Variants in BRCA1 observed in about 807,000 individuals in gnomAD.
The protein encoded by BRCA1 is BRCA1 DNA repair associated, also known as breast cancer type 1 susceptibility protein.
A neutral mutation model predicts 173.7 loss-of-function variants in BRCA1; 140 were observed. The observed-to-expected ratio is 0.81, with a 90% CI of 0.70 to 0.93. The LOEUF is 0.93. BRCA1 is among the 40% of genes least tolerant of loss of function. The pLI is 0.00. For synonymous variants in BRCA1, 662 were observed against 756.0 expected (o/e 0.88, Z 2.04); for missense variants, 1,983 against 2,172.5 (o/e 0.91, Z 1.73).
chr17:43,134,880 A>G (rs1255698870), intron 1 of BRCA1, among the ~76,000 whole-genome samples: 3 of 152,244 alleles, frequency 2.0e-5, no homozygotes, highest in Non-Finnish European at 4.4e-5. Context: ...TTCCTAACCC[A>G]GAGAGGCCAA....
intron 1 of BRCA1, chr17:43,144,838 T>C (rs1219067072): frequency 3.0e-5 from 14 of 469,152 alleles, no homozygotes; most frequent in Non-Finnish European, 5.3e-5. Flanking sequence ...CTGGCCAACA[T>C]AGCGAGAGCA....
At chr17:43,050,404 C>A (rs973703393) in intron 20 of BRCA1, among the ~76,000 whole-genome samples, 1 of 151,462 alleles carries the variant, frequency 6.6e-6, no homozygotes, top group Non-Finnish European at 1.5e-5. Context: ...GTCAGGAGAT[C>A]GGGACCATAT....
At chr17:43,079,123 G>A (rs562207926) in intron 12 of BRCA1, among the ~76,000 whole-genome samples, 28 of 151,878 alleles carry the variant, frequency 1.8e-4, no homozygotes, top group African/African-American at 2.4e-4. Context: ...GTAATGAGCC[G>A]AAATCACACC....
chr17:43,079,826 A>G (rs1168700621), intron 12 of BRCA1: 2 of 717,860 alleles, frequency 2.8e-6, no homozygotes, highest in Non-Finnish European at 4.9e-6. Flanking sequence ...TGTAAAAAAA[A>G]AGAAAAGTCA....
chr17:43,113,044 C>A (rs1217289618), intron 3 of BRCA1, among the ~76,000 whole-genome samples: 1 of 152,134 alleles, frequency 6.6e-6, no homozygotes, highest in Non-Finnish European at 1.5e-5. Context: ...CTCAGGTGAT[C>A]CACCTGCCTT....
intron 2 of BRCA1, among the ~76,000 whole-genome samples, chr17:43,123,745 C>T (rs2055698163): frequency 6.6e-6 from 1 of 152,154 alleles, no homozygotes; most frequent in African/African-American, 2.4e-5. Flanking sequence ...GATTCCTGCC[C>T]CAGTGCAGAA....
intron 3 of BRCA1, among the ~76,000 whole-genome samples, chr17:43,111,682 C>T (rs181098393): frequency 1.3e-3 from 198 of 150,126 alleles, no homozygotes; most frequent in African/African-American, 4.6e-3. Context: ...ATTAGCTGGG[C>T]GTGGTGGCAG....
At chr17:43,104,767 C>A (rs1338612756) in intron 5 of BRCA1, 101 bp downstream of exon 5, 1 of 1,062,878 alleles carries the variant, frequency 9.4e-7, no homozygotes, top group East Asian at 2.4e-5. Flanking sequence ...TTAACCTAGA[C>A]TAAAAGGTCT....
intron 6 of BRCA1, among the ~76,000 whole-genome samples, chr17:43,100,632 TTATATATATATAACATATATATAA>T (rs2054383278): frequency 6.9e-5 from 3 of 43,208 alleles, no homozygotes; most frequent in Non-Finnish European, 3.5e-5. Context: ...TATATATATG[TTATATATATATAACATATATATAA>T]CATATATATA....
chr17:43,117,682 T>C (rs2055358465), intron 2 of BRCA1, among the ~76,000 whole-genome samples: 1 of 152,174 alleles, frequency 6.6e-6, no homozygotes, highest in Admixed American at 6.5e-5. Flanking sequence ...CACGTTGCAG[T>C]GAGCCAAGAT....
chr17:43,140,075 CCCCATT>C, intron 1 of BRCA1: 1 of 364,310 alleles, frequency 2.7e-6, no homozygotes, highest in Non-Finnish European at 5.4e-6. Context: ...GTGCTTTCAG[CCCCATT>C]CCCCATCCTC....
rs571649845 is a variant in BRCA1 at position 43,138,951 on chromosome 17, A to G, written c.-19-14836T>C. 1.9e-5 allele frequency: 15 copies of G among 778,448 alleles called. 1 individual carries two copies. The highest frequency in any genetic ancestry group is 3.1e-5 in the Non-Finnish European group (13 of 417,896). The allele number at this position is 778,448 out of a possible 1,614,324, so 48.2% of individuals were successfully genotyped here. ...AAGTAGCCTGAAAGCCAGTGGTACA[A>G]CCCCCTCCCCACAACCTTCACCACC... On this transcript the variant is annotated intron_variant, in intron 1 of 7. Coordinates refer to the BRCA1 transcript ENST00000634433.
intron 16 of BRCA1, among the ~76,000 whole-genome samples, chr17:43,066,188 A>G (rs1050318353): frequency 4.6e-5 from 7 of 152,214 alleles, no homozygotes; most frequent in African/African-American, 1.7e-4. Context: ...TTTAGTTTAT[A>G]GTCAACTAAA....
intron 15 of BRCA1, among the ~76,000 whole-genome samples, chr17:43,068,815 CG>C (rs1273285043): frequency 6.6e-6 from 1 of 152,044 alleles, no homozygotes; most frequent in Non-Finnish European, 1.5e-5. Context: ...AGTGCAAAAG[CG>C]ATCAATTCTC....
intron 21 of BRCA1, 80 bp from the exon 22 acceptor site, chr17:43,047,783 T>C (rs557311876): frequency 2.2e-5 from 33 of 1,507,732 alleles, no homozygotes; most frequent in Non-Finnish European, 3.0e-5. Context: ...TTTTTTTGTT[T>C]GTTTTTGAGA....
chr17:43,135,817 C>T (rs1000289268), intron 1 of BRCA1, among the ~76,000 whole-genome samples: 3 of 152,192 alleles, frequency 2.0e-5, no homozygotes, highest in African/African-American at 7.2e-5. Context: ...CAGAGCTGGG[C>T]GAGAGGCCCT....
At chr17:43,087,947 C>G (rs1273465875) in intron 11 of BRCA1, among the ~76,000 whole-genome samples, 2 of 151,766 alleles carry the variant, frequency 1.3e-5, no homozygotes, top group African/African-American at 4.8e-5. Flanking sequence ...AGTGCAGTAG[C>G]GTGATCACAA....
chr17:43,096,326 G>A (rs2054133671), intron 8 of BRCA1, among the ~76,000 whole-genome samples: 1 of 139,470 alleles, frequency 7.2e-6, no homozygotes, highest in Admixed American at 7.9e-5. Context: ...GCGGAGAGGT[G>A]AGATCACACC....
In BRCA1 at chr17:43,106,470, A is replaced by G. The variant is rs878854936; in HGVS notation, c.198T>C (p.Asn66=). 1.9e-6 allele frequency: 3 copies of G among 1,597,900 alleles called. No homozygotes were observed. In the East Asian group the frequency reaches 6.7e-5, roughly 36 times the overall value. ...KGPSQCPLCK[N]DITKRSLQES... ...AAATTATATACCTTTTGGTTATATCATTCTTACATAAAGGACACTGTGAAG... is the reference window on the plus strand; with the variant it reads ...AAATTATATACCTTTTGGTTATATCGTTCTTACATAAAGGACACTGTGAAG... Residue 66 remains asparagine (N), a synonymous_variant, in exon 4 of 23, where the codon AAT becomes AAC. Transcript: ENST00000357654.
Sources: gnomAD v4.1 joint callset for allele counts (sites outside exome capture counted in the v4.1 genomes callset) on GRCh38, gnomAD v4.1.1 for gene constraint, MANE v1.5 for transcripts, NCBI Gene and HGNC (gene_info 2026-07-23, HGNC 2026-07-21) for gene names.